TMTC3: variants seen among roughly 807,000 people sequenced by gnomAD.
TMTC3 encodes transmembrane O-mannosyltransferase targeting cadherins 3.
Under a neutral mutation model 92.2 loss-of-function variants are expected in TMTC3, and 52 were observed. The observed-to-expected ratio is 0.56, with a 90% confidence interval of 0.45 to 0.71. The LOEUF is 0.71. Ranked by LOEUF, TMTC3 falls within the 30% of genes least tolerant of loss-of-function variation. The pLI is 0.00. For missense variants in TMTC3, 896 were observed against 1,057.1 expected, an observed-to-expected ratio of 0.85 and a Z score of 2.11; for synonymous variants, 339 against 363.3, an observed-to-expected ratio of 0.93 and a Z score of 0.76.
chr12:88,143,338 T>A (rs922015558), intron 1 of TMTC3, among the ~76,000 whole-genome samples: 2 of 152,194 alleles, frequency 1.3e-5, no homozygotes, highest in Non-Finnish European at 2.9e-5. Flanking sequence ...TTAGTTAGAT[T>A]TATAGGAATG....
Position 88,195,575 on chromosome 12 carries a change from AAAG to A in TMTC3, c.2674_2676del (p.Glu892del). The A allele has an allele frequency of 1.2e-6, 2 of 1,608,276 alleles. No individual in the cohort carries two copies. Among genetic ancestry groups the A allele is most frequent in the Non-Finnish European group, 1.7e-6 (2 of 1,178,592 alleles). On this transcript the variant is annotated inframe_deletion, in exon 14 of 14. Transcript: ENST00000266712. The stretch of plus-strand genomic sequence containing the variant: ...ACCCCACAAAACAACAAAAGACATC[AAAG>A]AAATTGAGAAGAAAAGAGTTGCTGC...
intron 10 of TMTC3, 139 bp downstream of exon 10, chr12:88,176,458 G>C (rs1418067493): frequency 1.7e-6 from 1 of 597,624 alleles, no homozygotes; most frequent in Non-Finnish European, 2.9e-6. Context: ...ATTTTGAACT[G>C]GATTACATAT....
chr12:88,194,761 G>T (rs766791530), intron 13 of TMTC3, 77 bp from the exon 14 acceptor site: 104 of 948,084 alleles, frequency 1.1e-4, no homozygotes, highest in Non-Finnish European at 1.4e-4. Context: ...TGTAATCTAA[G>T]TATTTGAAAA....
chr12:88,166,734 A>C (rs2041147843), intron 7 of TMTC3, 152 bp downstream of exon 7: 3 of 871,664 alleles, frequency 3.4e-6, no homozygotes, highest in Middle Eastern at 3.5e-4. Context: ...TTTATCCCAA[A>C]ATTCTCAGTT....
At chr12:88,187,653 A>G (rs977287484) in intron 10 of TMTC3, among the ~76,000 whole-genome samples, 4 of 152,200 alleles carry the variant, frequency 2.6e-5, no homozygotes, top group Admixed American at 6.5e-5. Flanking sequence ...CAGTGCACAC[A>G]ATTGCCAGCC....
intron 1 of TMTC3, among the ~76,000 whole-genome samples, chr12:88,147,333 G>A (rs1383928029): frequency 6.6e-6 from 1 of 152,118 alleles, no homozygotes; most frequent in Admixed American, 6.6e-5. Context: ...GTGAATTGAT[G>A]TTACCAAGCC....
At chr12:88,157,233 T>C (rs373313629) in intron 4 of TMTC3, among the ~76,000 whole-genome samples, 17 of 151,852 alleles carry the variant, frequency 1.1e-4, no homozygotes, top group African/African-American at 4.1e-4. Context: ...GGACCTCTCT[T>C]TATCCTCTTA....
At chr12:88,179,246 G>A (rs1347604358) in intron 10 of TMTC3, among the ~76,000 whole-genome samples, 1 of 152,134 alleles carries the variant, frequency 6.6e-6, no homozygotes, top group African/African-American at 2.4e-5. Flanking sequence ...GGGTTTGACA[G>A]ATGAAATGAC....
chr12:88,195,955 A>T lies in TMTC3; in HGVS notation c.*306A>T. The T allele has an allele frequency of 5.1e-6, 1 of 197,542 alleles. No individual in the cohort carries two copies. The highest frequency in any genetic ancestry group is 1.0e-5 in the Non-Finnish European group (1 of 97,476). 12.2% of individuals were successfully genotyped at this position (197,542 alleles called of 1,614,324 possible). A position where few individuals can be genotyped will look rare whatever the true frequency, so the allele number is the denominator to read the frequency against. On this transcript the variant is annotated 3_prime_UTR_variant, in exon 14 of 14. Coordinates refer to ENST00000266712, the MANE Select transcript of TMTC3 (RefSeq NM_181783.4). ...TAATCTTTACTGCTCTCAATTAAAA[A>T]TAATTTTGAGGCCTGAATGATAATC...
chr12:88,182,030 G>A (rs958646284), intron 10 of TMTC3, among the ~76,000 whole-genome samples: 6 of 152,222 alleles, frequency 3.9e-5, no homozygotes, highest in Admixed American at 2.6e-4. Flanking sequence ...AGAGATAGGG[G>A]CAATATTGCT....
intron 3 of TMTC3, among the ~76,000 whole-genome samples, chr12:88,154,030 T>C (rs190653393): frequency 6.6e-6 from 1 of 152,116 alleles, no homozygotes; most frequent in Admixed American, 6.5e-5. Flanking sequence ...AGATCTCTCT[T>C]TACTAGTTTT....
At chr12:88,159,574 G>A (rs2041051754) in intron 4 of TMTC3, among the ~76,000 whole-genome samples, 2 of 151,550 alleles carry the variant, frequency 1.3e-5, no homozygotes, top group African/African-American at 4.8e-5. Context: ...CAGATGGATT[G>A]CCTGAACTTC....
Position 88,176,307 on chromosome 12 carries a change from C to T in TMTC3, c.1420C>T (p.His474Tyr), listed in dbSNP as rs1205707179. The T allele has an allele frequency of 1.9e-6, 3 of 1,606,402 alleles. No individual in the cohort carries two copies. Among genetic ancestry groups the T allele is most frequent in the East Asian group, 2.2e-5 (1 of 44,630 alleles). ...TTTGAAATACTTCTTACAGGCTACC[C>T]ATGTTCAGCCAGGTAAGCATTATTA... ...RALKYFLQAT[H>Y]VQPDDIGAHM... Residue 474 changes from histidine (H) to tyrosine (Y), a missense_variant, in exon 10 of 14, where the codon CAT becomes TAT. Coordinates refer to ENST00000266712, the MANE Select transcript of TMTC3 (RefSeq NM_181783.4).
intron 6 of TMTC3, among the ~76,000 whole-genome samples, chr12:88,163,858 T>C (rs1201470072): frequency 1.3e-5 from 2 of 152,148 alleles, no homozygotes; most frequent in African/African-American, 4.8e-5. Context: ...TTCAACCCAC[T>C]ACACCGACCA....
intron 4 of TMTC3, among the ~76,000 whole-genome samples, chr12:88,158,356 C>CA (rs1490883666): frequency 7.2e-5 from 11 of 152,168 alleles, no homozygotes; most frequent in Non-Finnish European, 1.3e-4. Context: ...CAAGGGCCAA[C>CA]ATTAGGTCCA....
In TMTC3 at chr12:88,195,016, T is replaced by C. The variant is rs759833933; in HGVS notation, c.2112T>C (p.Ala704=). The C allele has an allele frequency of 6.2e-7, 1 of 1,613,844 alleles. No homozygotes were observed. The highest frequency in any genetic ancestry group is 8.5e-7 in the Non-Finnish European group (1 of 1,179,898). The part of the protein sequence containing the change: ...AIKLQADFRS[A]LFNLALLYSQ... Reference sequence around the variant, plus strand: ...AGTTACAAGCCGACTTCCGAAGTGCTTTGTTTAATCTGGCTCTCCTGTATT... The same window carrying C: ...AGTTACAAGCCGACTTCCGAAGTGCCTTGTTTAATCTGGCTCTCCTGTATT... Residue 704 remains alanine (A), a synonymous_variant, in exon 14 of 14, where the codon GCT becomes GCC. Transcript: ENST00000266712.
intron 4 of TMTC3, among the ~76,000 whole-genome samples, chr12:88,156,264 A>G (rs928485777): frequency 6.6e-6 from 1 of 152,184 alleles, no homozygotes; most frequent in African/African-American, 2.4e-5. Context: ...ATGTTCTTCT[A>G]AAGTTATAAA....
chr12:88,174,521 G>T (rs1245876389), intron 8 of TMTC3, 86 bp from the exon 9 acceptor site: 1 of 1,420,422 alleles, frequency 7.0e-7, no homozygotes, highest in South Asian at 1.4e-5. Context: ...GAGCATTTAA[G>T]ATACTTCTTA....
At chr12:88,172,963 C>T (rs776202039) in intron 8 of TMTC3, 83 of 1,439,666 alleles carry the variant, frequency 5.8e-5, no homozygotes, top group Non-Finnish European at 6.9e-5. Flanking sequence ...TTTGATTTTA[C>T]AGCCTGAGAC....
Sources: allele counts gnomAD v4.1 joint callset (sites outside exome capture counted in the v4.1 genomes callset), GRCh38; gene constraint gnomAD v4.1.1; transcripts MANE v1.5; gene names NCBI Gene and HGNC (gene_info 2026-07-23, HGNC 2026-07-21).